Variants in SLC7A2 observed in about 807,000 individuals in gnomAD.
SLC7A2 encodes the protein cationic amino acid transporter 2.
Under a neutral mutation model 58.9 loss-of-function variants are expected in SLC7A2, and 48 were observed. The observed-to-expected ratio is 0.82, with a 90% CI of 0.65 to 1.04. The LOEUF (loss-of-function observed/expected upper bound fraction) is 1.04. SLC7A2 is among the 50% of genes least tolerant of loss of function. The pLI, the probability that SLC7A2 is intolerant of heterozygous loss-of-function variation, is 0.00. For synonymous variants in SLC7A2, 363 were observed against 314.5 expected (o/e 1.15, Z -1.63); for missense variants, 1,029 against 818.8 (o/e 1.26, Z -3.13).
intron 9 of SLC7A2, 109 bp from the exon 10 acceptor site, chr8:17,560,219 C>T: frequency 1.3e-6 from 1 of 759,724 alleles, no homozygotes. Flanking sequence ...TTGATTTACT[C>T]TACACACTAT....
chr8:17,547,785 A>AGTGTGTGTGT (rs35052068), intron 4 of SLC7A2, among the ~76,000 whole-genome samples: 2,843 of 144,762 alleles, frequency 0.02, 34 homozygotes, highest in Middle Eastern at 0.041. Context: ...GGCACAAAAG[A>AGTGTGTGTGT]GTGTGTGTGT....
chr8:17,549,387 G>T (rs1802338821), intron 5 of SLC7A2, among the ~76,000 whole-genome samples: 1 of 152,192 alleles, frequency 6.6e-6, no homozygotes, highest in Non-Finnish European at 1.5e-5. Flanking sequence ...AAAGGTATAG[G>T]TATGCTCCTT....
intron 11 of SLC7A2, among the ~76,000 whole-genome samples, chr8:17,563,292 C>A (rs755813499): frequency 1.9e-4 from 29 of 152,094 alleles, no homozygotes; most frequent in Non-Finnish European, 3.4e-4. Flanking sequence ...CCATATGTAT[C>A]CCACATTTCA....
At position 17,569,621 on chromosome 8, in the gene SLC7A2, A is replaced by C. The variant is rs916586053; in HGVS notation, c.*4475A>C. ...GCCTTCCGGTTTCTGGATTTTGAGA[A>C]GCCTGATCTGTTATTGTTGTGGTTG... On this transcript the variant is annotated 3_prime_UTR_variant, in exon 13 of 13. Coordinates refer to ENST00000494857, the MANE Select transcript of SLC7A2 (RefSeq NM_001370338.1). 1 of 152,176 alleles carries C rather than the reference A, an allele frequency of 6.6e-6. No homozygotes were observed. Among genetic ancestry groups the C allele is most frequent in the African/African-American group, 2.4e-5 (1 of 41,436 alleles). 9.4% of individuals were successfully genotyped at this position (152,176 alleles called of 1,614,324 possible). A position where few individuals can be genotyped will look rare whatever the true frequency, so the allele number is the denominator to read the frequency against.
At chr8:17,549,478 A>G (rs889833905) in intron 5 of SLC7A2, among the ~76,000 whole-genome samples, 1 of 152,164 alleles carries the variant, frequency 6.6e-6, no homozygotes. Context: ...GAGCAAGGGA[A>G]GATCCTAACC....
chr8:17,494,962 G>A (rs1043844245), upstream of SLC7A2, among the ~76,000 whole-genome samples: 2 of 152,202 alleles, frequency 1.3e-5, no homozygotes, highest in Non-Finnish European at 2.9e-5. Flanking sequence ...TAAATTCAAA[G>A]ATCGGTATTC....
intron 2 of SLC7A2, among the ~76,000 whole-genome samples, chr8:17,533,047 G>A (rs1801522365): frequency 6.6e-6 from 1 of 151,968 alleles, no homozygotes; most frequent in Non-Finnish European, 1.5e-5. Flanking sequence ...TTTGTAAATG[G>A]TTCTTGGTTT....
chr8:17,525,209 C>T (rs182872366), intron 2 of SLC7A2, among the ~76,000 whole-genome samples: 1 of 152,210 alleles, frequency 6.6e-6, no homozygotes, highest in African/African-American at 2.4e-5. Context: ...GGCCTATCTT[C>T]ATTATGAGTA....
In SLC7A2 at chr8:17,532,240, A is replaced by AC. The variant is rs1563454442; in HGVS notation, c.-22-11078_-22-11077insC. Among the ~76,000 whole-genome samples the AC allele has an allele frequency of 3.8e-4, 42 of 109,322 alleles. 2 individuals are homozygous for AC. The highest frequency in any genetic ancestry group is 1.3e-3 in the African/African-American group (40 of 31,650). The allele number at this position is 109,322 out of a possible 152,430, so 71.7% of individuals were successfully genotyped here. A position where few individuals can be genotyped will look rare whatever the true frequency, so the allele number is the denominator to read the frequency against. ...GCAAGACTCTATCTCAAAAAAAAAA[A>AC]AAAAAAAAAAAAAAAAAAACCCCAG... is the stretch of plus-strand genomic sequence containing the variant. On this transcript the variant is annotated intron_variant, in intron 2 of 12. Transcript: ENST00000494857.
At chr8:17,507,032 C>T (rs1006401832) in intron 2 of SLC7A2, among the ~76,000 whole-genome samples, 3 of 151,448 alleles carry the variant, frequency 2.0e-5, no homozygotes, top group South Asian at 2.1e-4. Context: ...GCAACCTCCA[C>T]CTCCCAGGTT....
intron 4 of SLC7A2, among the ~76,000 whole-genome samples, chr8:17,547,142 A>G (rs536524737): frequency 6.6e-6 from 1 of 152,324 alleles, no homozygotes; most frequent in East Asian, 1.9e-4. Context: ...AATACCCAAG[A>G]CTTGGTAATT....
At position 17,567,221 on chromosome 8, in the gene SLC7A2, T is replaced by C. The variant is rs888545370; in HGVS notation, c.*2075T>C. 1 of 152,582 alleles carries C rather than the reference T, an allele frequency of 6.6e-6. No individual in the cohort carries two copies. Among genetic ancestry groups the C allele is most frequent in the Non-Finnish European group, 1.5e-5 (1 of 68,040 alleles). The allele number at this position is 152,582 out of a possible 1,614,324, so 9.5% of individuals were successfully genotyped here. A position where few individuals can be genotyped will look rare whatever the true frequency, so the allele number is the denominator to read the frequency against. On this transcript the variant is annotated 3_prime_UTR_variant, in exon 13 of 13. Transcript: ENST00000494857. The stretch of plus-strand genomic sequence containing the variant: ...TAGGCATGCTCATAAATCCTTGCTG[T>C]TGTCACAGTACGCTGAAAACCCGTT...
chr8:17,533,292 T>TTCAAAATATA (rs1486973817), intron 2 of SLC7A2, among the ~76,000 whole-genome samples: 2 of 152,230 alleles, frequency 1.3e-5, no homozygotes, highest in African/African-American at 4.8e-5. Flanking sequence ...AATCAGAACG[T>TTCAAAATATA]GTTTTTCAGA....
rs1459468113 is a variant in SLC7A2, at chr8:17,565,046, A to G, written c.1877A>G (p.His626Arg). The G allele has an allele frequency of 6.2e-7, 1 of 1,613,916 alleles. No homozygotes were observed. Among genetic ancestry groups the G allele is most frequent in the African/African-American group, 1.3e-5 (1 of 74,908 alleles). Residue 626 changes from histidine (H) to arginine (R), a missense_variant, in exon 13 of 13, where the codon CAT becomes CGT. By Grantham distance (29) the His-to-Arg change is conservative. Coordinates refer to ENST00000494857, the MANE Select transcript of SLC7A2 (RefSeq NM_001370338.1). The stretch of plus-strand genomic sequence containing the variant: ...GAAGATGCTTATCCAGACAACGTTC[A>G]TGCAGCAGCAGAAGAAAAATCTGCC... ...NEEDAYPDNV[H>R]AAAEEKSAIQ... is the part of the protein sequence containing the mutation.
chr8:17,499,488 A>G (rs1439685970), intron 1 of SLC7A2, among the ~76,000 whole-genome samples: 4 of 151,332 alleles, frequency 2.6e-5, no homozygotes, highest in South Asian at 2.1e-4. Flanking sequence ...GACAACTTTC[A>G]GAACAGAATC....
upstream of SLC7A2, among the ~76,000 whole-genome samples, chr8:17,496,623 T>C (rs566960865): frequency 6.6e-6 from 1 of 152,342 alleles, no homozygotes; most frequent in East Asian, 1.9e-4. Flanking sequence ...TATCAACGTT[T>C]AGTTTGCATT....
chr8:17,541,990 A>T (rs75429059), intron 2 of SLC7A2, among the ~76,000 whole-genome samples: 12,270 of 148,068 alleles, frequency 0.083, 1,119 homozygotes, highest in African/African-American at 0.23. Context: ...TTCCATTTTT[A>T]AAAGAACATA....
At chr8:17,508,716 A>AAAAAAT (rs955115934) in intron 2 of SLC7A2, among the ~76,000 whole-genome samples, 5 of 152,166 alleles carry the variant, frequency 3.3e-5, no homozygotes, top group Admixed American at 1.3e-4. Context: ...TCTGTCTCAA[A>AAAAAAT]AAAAATAAAA....
At chr8:17,538,271 A>G (rs1434751498) in intron 2 of SLC7A2, among the ~76,000 whole-genome samples, 1 of 152,160 alleles carries the variant, frequency 6.6e-6, no homozygotes, top group Non-Finnish European at 1.5e-5. Flanking sequence ...GTTTTTACCT[A>G]TGTCTACACT....
Sources: allele counts gnomAD v4.1 joint callset (sites outside exome capture counted in the v4.1 genomes callset), GRCh38; gene constraint gnomAD v4.1.1; transcripts MANE v1.5; gene names NCBI Gene and HGNC (gene_info 2026-07-23, HGNC 2026-07-21).